The following CADPS2 variants were observed in gnomAD, a reference collection of about 807,000 sequenced individuals.
CADPS2 encodes calcium-dependent secretion activator 2.
Under a neutral mutation model 172.5 loss-of-function variants are expected in CADPS2, and 93 were observed. The observed-to-expected ratio is 0.54, with a 90% CI of 0.46 to 0.64. The LOEUF is 0.64. CADPS2 is among the 30% of genes least tolerant of loss of function. The probability of loss-of-function intolerance (pLI) is 0.00; values close to 1 mark genes in which losing one functional copy is unlikely to be tolerated. For missense variants in CADPS2, 1,420 were observed against 1,565.9 expected (o/e 0.91, Z 1.57); for synonymous variants, 546 against 555.2 (o/e 0.98, Z 0.23).
intron 7 of CADPS2, among the ~76,000 whole-genome samples, chr7:122,562,905 T>G (rs777133862): frequency 1.3e-4 from 20 of 152,288 alleles, no homozygotes; most frequent in Non-Finnish European, 2.6e-4. Context: ...GGTTTAACAA[T>G]GAAGCTGATT....
rs76958329 is a variant in CADPS2, at chr7:122,499,741, T to C, written c.1543-8321A>G. 8.7e-3 allele frequency among the ~76,000 whole-genome samples: 1,321 copies of C among 152,322 alleles called. 15 individuals carry two copies. Among genetic ancestry groups the C allele is most frequent in the African/African-American group, 0.03 (1,250 of 41,572 alleles). ...GTAAACACACTGTGTGAAATGTGTC[T>C]TATGTATCCTTAAGTTATAATTATT... On this transcript the variant is annotated intron_variant, in intron 9 of 29. Coordinates refer to ENST00000449022, the MANE Select transcript of CADPS2 (RefSeq NM_017954.11).
intron 23 of CADPS2, among the ~76,000 whole-genome samples, 162 bp downstream of exon 23, chr7:122,388,420 TG>T (rs2043951790): frequency 6.6e-6 from 1 of 152,054 alleles, no homozygotes; most frequent in African/African-American, 2.4e-5. Context: ...ATCAATTACA[TG>T]GGTCCCCAGA....
intron 17 of CADPS2, 130 bp from the exon 18 acceptor site, chr7:122,416,294 G>GAA: frequency 5.4e-6 from 2 of 367,034 alleles, no homozygotes; most frequent in Admixed American, 4.8e-5. Context: ...ACATTATTTA[G>GAA]ACAAAAAAAA....
chr7:122,646,636 G>A (rs560967501), intron 3 of CADPS2, among the ~76,000 whole-genome samples: 21 of 152,186 alleles, frequency 1.4e-4, no homozygotes, highest in African/African-American at 3.4e-4. Flanking sequence ...ATAAAGAATC[G>A]TTACATGAGA....
chr7:122,496,999 T>C (rs1294210510), intron 9 of CADPS2, among the ~76,000 whole-genome samples: 3 of 152,164 alleles, frequency 2.0e-5, no homozygotes, highest in Non-Finnish European at 2.9e-5. Context: ...CTCATATATA[T>C]ACCTGGGATT....
At chr7:122,471,853 C>T (rs2055998354) in intron 13 of CADPS2, among the ~76,000 whole-genome samples, 1 of 152,052 alleles carries the variant, frequency 6.6e-6, no homozygotes, top group African/African-American at 2.4e-5. Flanking sequence ...TCTAAATTAT[C>T]ACACACAAAG....
chr7:122,463,518 A>G (rs1160786240), intron 14 of CADPS2, among the ~76,000 whole-genome samples: 1 of 152,184 alleles, frequency 6.6e-6, no homozygotes, highest in African/African-American at 2.4e-5. Context: ...CTTAGAATCA[A>G]TTTTAATTAA....
At position 122,597,289 on chromosome 7, in the gene CADPS2, G is replaced by A. The variant is rs139448791; in HGVS notation, c.1224-15999C>T. 4.5e-3 allele frequency among the ~76,000 whole-genome samples: 687 copies of A among 151,984 alleles called. 8 individuals are homozygous for A. The highest frequency in any genetic ancestry group is 0.016 in the African/African-American group (652 of 41,476). ...TAAGTCCTGCCTCACATAATTACTC[G>A]GAAAAAGAAATCAGTAAGTAAAATA... is the stretch of plus-strand genomic sequence containing the variant. On this transcript the variant is annotated intron_variant, in intron 6 of 29. Transcript: ENST00000449022.
At chr7:122,448,849 C>T (rs561041402) in intron 15 of CADPS2, among the ~76,000 whole-genome samples, 30 of 152,100 alleles carry the variant, frequency 2.0e-4, no homozygotes, top group South Asian at 1.5e-3. Context: ...ATAGCTTCTA[C>T]GACTTCCTTT....
chr7:122,353,920 C>G (rs1177876627), intron 27 of CADPS2, among the ~76,000 whole-genome samples: 1 of 152,150 alleles, frequency 6.6e-6, no homozygotes, highest in East Asian at 1.9e-4. Context: ...TTTTTCCAAA[C>G]AGGAGCCCTT....
At chr7:122,485,774 G>A (rs1460229009) in intron 11 of CADPS2, among the ~76,000 whole-genome samples, 1 of 152,210 alleles carries the variant, frequency 6.6e-6, no homozygotes, top group Non-Finnish European at 1.5e-5. Flanking sequence ...TTCGCAGTTA[G>A]AGAGAAGTCA....
At chr7:122,414,133 AC>A (rs2047619680) in intron 18 of CADPS2, 57 bp from the exon 19 acceptor site, 2 of 1,359,620 alleles carry the variant, frequency 1.5e-6, no homozygotes, top group Non-Finnish European at 1.9e-6. Context: ...CCATAGTGTT[AC>A]AAAACATCTT....
At chr7:122,561,402 T>C (rs1016989742) in intron 7 of CADPS2, among the ~76,000 whole-genome samples, 1 of 152,108 alleles carries the variant, frequency 6.6e-6, no homozygotes, top group African/African-American at 2.4e-5. Flanking sequence ...CAAAGTATTA[T>C]CCTAAGTGGA....
At chr7:122,797,551 A>G (rs372617298) in intron 1 of CADPS2, among the ~76,000 whole-genome samples, 4 of 152,196 alleles carry the variant, frequency 2.6e-5, no homozygotes, top group East Asian at 3.9e-4. Context: ...TTGCAGAGAC[A>G]TAGATGGAGC....
intron 1 of CADPS2, among the ~76,000 whole-genome samples, chr7:122,869,308 G>T (rs1451515643): frequency 1.3e-5 from 2 of 151,988 alleles, no homozygotes; most frequent in Non-Finnish European, 2.9e-5. Context: ...AAAACAAAGA[G>T]AAAATATTGA....
intron 2 of CADPS2, among the ~76,000 whole-genome samples, chr7:122,720,618 A>ACATG (rs2090269973): frequency 6.6e-6 from 1 of 151,702 alleles, no homozygotes; most frequent in Admixed American, 6.6e-5. Context: ...GTATACATAC[A>ACATG]TATATGTACG....
intron 1 of CADPS2, among the ~76,000 whole-genome samples, chr7:122,777,526 T>C (rs1344235091): frequency 6.6e-6 from 1 of 152,186 alleles, no homozygotes; most frequent in Non-Finnish European, 1.5e-5. Flanking sequence ...AGTTTGGCTA[T>C]GTCCCCACCC....
intron 1 of CADPS2, among the ~76,000 whole-genome samples, chr7:122,742,380 G>A (rs1287833554): frequency 1.3e-5 from 2 of 151,424 alleles, no homozygotes; most frequent in Non-Finnish European, 2.9e-5. Context: ...GGGTGACAGA[G>A]ACTCCATCTC....
chr7:122,546,410 C>T lies in CADPS2; in HGVS notation c.1475+8140G>A, dbSNP rs988025903. On this transcript the variant is annotated intron_variant, in intron 8 of 29. Coordinates refer to ENST00000449022, the MANE Select transcript of CADPS2 (RefSeq NM_017954.11). Reference sequence around the variant, plus strand: ...TATGTTAACATCTATGGAAAGAATGCCAAAATTAAATACACTAATAGACAA... The same window carrying T: ...TATGTTAACATCTATGGAAAGAATGTCAAAATTAAATACACTAATAGACAA... Among the ~76,000 whole-genome samples the T allele has an allele frequency of 1.4e-4, 22 of 152,084 alleles. No individual in the cohort carries two copies. The South Asian group carries it at 2.1e-3, about 14-fold the overall frequency.
Sources: gnomAD v4.1 joint callset for allele counts (sites outside exome capture counted in the v4.1 genomes callset) on GRCh38, gnomAD v4.1.1 for gene constraint, MANE v1.5 for transcripts, NCBI Gene and HGNC (gene_info 2026-07-23, HGNC 2026-07-21) for gene names.